GLIS3: variants seen among roughly 807,000 people sequenced by gnomAD.
The protein encoded by GLIS3 is zinc finger protein GLIS3.
In GLIS3, 53 loss-of-function variants were observed where a neutral mutation model predicts 78.6. The ratio of observed to expected loss-of-function variants is 0.67; its 90% CI spans 0.54 to 0.85. The LOEUF is 0.85. Among genes scored for constraint, GLIS3 ranks in the 40% least tolerant of loss-of-function variants. GLIS3 has a pLI of 0.00. For missense variants in GLIS3, 1,703 were observed against 1,231.1 expected, an observed-to-expected ratio of 1.38 and a Z score of -5.74; for synonymous variants, 684 against 509.9, an observed-to-expected ratio of 1.34 and a Z score of -4.60.
chr9:4,129,810 G>C (rs1368047806), intron 2 of GLIS3, among the ~76,000 whole-genome samples: 2 of 152,190 alleles, frequency 1.3e-5, no homozygotes, highest in African/African-American at 2.4e-5. Flanking sequence ...TTTGGAATTG[G>C]GTATGGACAG....
the GLIS3 span, among the ~76,000 whole-genome samples, chr9:4,482,274 G>A: frequency 2.6e-5 from 4 of 152,172 alleles, no homozygotes; most frequent in Non-Finnish European, 2.9e-5. Flanking sequence ...AAGAGTTCAA[G>A]GTCATATAAC....
At chr9:4,460,141 G>A in the GLIS3 span, among the ~76,000 whole-genome samples, 12 of 152,196 alleles carry the variant, frequency 7.9e-5, no homozygotes, top group East Asian at 9.7e-4. Context: ...TTGGTGGCTC[G>A]GTGGTGGACC....
At chr9:4,319,597 A>C (rs1024032171) in intron 2 of GLIS3, among the ~76,000 whole-genome samples, 1 of 152,024 alleles carries the variant, frequency 6.6e-6, no homozygotes, top group Non-Finnish European at 1.5e-5. Flanking sequence ...TGGCATGATC[A>C]TAGCTCACTG....
chr9:4,160,373 G>A (rs912939882), intron 2 of GLIS3, among the ~76,000 whole-genome samples: 6 of 152,202 alleles, frequency 3.9e-5, no homozygotes, highest in African/African-American at 9.7e-5. Context: ...GGAACTCGCC[G>A]GGTTTATGCA....
At chr9:3,862,749 T>A (rs536454046) in intron 8 of GLIS3, among the ~76,000 whole-genome samples, 119 of 152,272 alleles carry the variant, frequency 7.8e-4, no homozygotes, top group African/African-American at 2.7e-3. Flanking sequence ...ATAGTTTTTC[T>A]TTCCCTCCGC....
At chr9:3,829,588 T>G (rs1817929987) in intron 9 of GLIS3, 96 bp from the exon 10 acceptor site, 3 of 1,281,294 alleles carry the variant, frequency 2.3e-6, no homozygotes, top group Non-Finnish European at 3.4e-6. Flanking sequence ...CCTGGCTTCC[T>G]AAGACAAATG....
Position 4,118,067 on chromosome 9 carries a change from G to T in GLIS3, c.1411C>A (p.Pro471Thr). ...PYHAHAHLHH[P>T]ELGPHAQQLA... is the part of the protein sequence containing the mutation. ...TGCTGGGCGTGGGGCCCGAGCTCCGGGTGGTGAAGGTGCGCATGGGCATGG... is the reference window on the plus strand; with the variant it reads ...TGCTGGGCGTGGGGCCCGAGCTCCGTGTGGTGAAGGTGCGCATGGGCATGG... The change falls in exon 4 of 11, where the codon CCG becomes ACG. Residue 471 changes from proline to threonine, a missense_variant. Pro to Thr is a conservative substitution (Grantham distance 38). Transcript: ENST00000381971. The surrounding 1 kb of genome is among the most constrained non-coding windows in gnomAD (Gnocchi z 4.7). The T allele has an allele frequency of 6.3e-7, 1 of 1,577,290 alleles. No homozygotes were observed. Among genetic ancestry groups the T allele is most frequent in the Admixed American group, 1.7e-5 (1 of 57,948 alleles).
chr9:4,006,244 G>T (rs749996515), intron 4 of GLIS3, among the ~76,000 whole-genome samples: 5 of 138,504 alleles, frequency 3.6e-5, no homozygotes, highest in Non-Finnish European at 6.1e-5. Flanking sequence ...TAAACAGCAT[G>T]AGAGCTCCTT....
At chr9:3,891,488 G>C (rs938571467) in intron 7 of GLIS3, among the ~76,000 whole-genome samples, 4 of 152,168 alleles carry the variant, frequency 2.6e-5, no homozygotes, top group African/African-American at 9.7e-5. Context: ...GATCACTTGA[G>C]TCCAGGAGTT....
chr9:4,219,776 G>A (rs770628275), intron 2 of GLIS3, among the ~76,000 whole-genome samples: 17 of 152,142 alleles, frequency 1.1e-4, no homozygotes, highest in Admixed American at 3.9e-4. Flanking sequence ...TCGGCAGCAC[G>A]TGCAGCAGGT....
intron 4 of GLIS3, among the ~76,000 whole-genome samples, chr9:4,069,336 G>T (rs955858829): frequency 3.3e-5 from 5 of 152,196 alleles, no homozygotes; most frequent in African/African-American, 4.8e-5. Context: ...TGAGCTATTG[G>T]ATCGGCTTCT....
At chr9:4,407,572 G>A in the GLIS3 span, among the ~76,000 whole-genome samples, 7 of 152,202 alleles carry the variant, frequency 4.6e-5, no homozygotes, top group East Asian at 1.9e-4. Flanking sequence ...GCGAGAACCC[G>A]GGAGGCGGAG....
At chr9:4,226,282 G>T (rs560038316) in intron 2 of GLIS3, among the ~76,000 whole-genome samples, 1 of 152,256 alleles carries the variant, frequency 6.6e-6, no homozygotes, top group East Asian at 1.9e-4. Context: ...TTTAGATATA[G>T]CCTGCATTCT....
the GLIS3 span, among the ~76,000 whole-genome samples, chr9:4,437,468 C>CTATA: frequency 1.1e-4 from 12 of 105,010 alleles, no homozygotes; most frequent in Middle Eastern, 6.7e-3. Flanking sequence ...ATCTATCTAT[C>CTATA]TATATATCAT....
At chr9:4,000,586 G>C (rs752970352) in intron 4 of GLIS3, among the ~76,000 whole-genome samples, 16 of 152,128 alleles carry the variant, frequency 1.1e-4, no homozygotes, top group Non-Finnish European at 1.8e-4. Flanking sequence ...CTCGTTTAAA[G>C]AAAAAGAAAA....
Position 4,286,486 on chromosome 9 carries a change from C to T in GLIS3, c.-61G>A. ...AATGTCACTAATGACTCCTTTCAGG[C>T]AAAGTCCAATAAGTTATCCATGGTG... On this transcript the variant is annotated 5_prime_UTR_variant, in exon 2 of 11. Transcript: ENST00000381971. 6.3e-7 allele frequency: 1 copy of T among 1,594,702 alleles called. No individual in the cohort carries two copies. The highest frequency in any genetic ancestry group is 1.3e-5 in the African/African-American group (1 of 74,796).
rs182505258 is a variant in GLIS3, at chr9:4,008,003, C to T, written c.1711-70814G>A. 4.7e-3 allele frequency among the ~76,000 whole-genome samples: 709 copies of T among 152,166 alleles called. 7 individuals carry two copies. Among genetic ancestry groups the T allele is most frequent in the African/African-American group, 0.017 (689 of 41,526 alleles). On this transcript the variant is annotated intron_variant, in intron 4 of 10. Transcript: ENST00000381971. ...TGCTTCTCTGTGTACACCAGGGTTG[C>T]ATATCCACACTCCCTCTGCACCTAA...
intron 4 of GLIS3, among the ~76,000 whole-genome samples, chr9:4,049,146 C>G (rs1402178966): frequency 6.6e-6 from 1 of 152,178 alleles, no homozygotes; most frequent in Non-Finnish European, 1.5e-5. Context: ...CATCTAATAA[C>G]AACAACAGCT....
At chr9:4,230,095 G>T (rs10974398) in intron 2 of GLIS3, among the ~76,000 whole-genome samples, 1 of 152,332 alleles carries the variant, frequency 6.6e-6, no homozygotes, top group East Asian at 1.9e-4. Context: ...CGGGCCAAGT[G>T]AAATGGTATA....
Sources: allele counts gnomAD v4.1 joint callset (sites outside exome capture counted in the v4.1 genomes callset), GRCh38; gene constraint gnomAD v4.1.1; non-coding constraint Gnocchi (gnomAD v3.1); transcripts MANE v1.5; gene names NCBI Gene and HGNC (gene_info 2026-07-23, HGNC 2026-07-21).